PSAT1: variants seen among roughly 807,000 people sequenced by gnomAD.
PSAT1 encodes the protein phosphoserine aminotransferase 1.
Under a neutral mutation model 40.3 loss-of-function variants are expected in PSAT1, and 41 were observed. The ratio of observed to expected loss-of-function variants is 1.02; its 90% CI spans 0.79 to 1.32. The LOEUF is 1.32. Ranked by LOEUF, PSAT1 falls within the 40% of genes most tolerant of loss-of-function variation. The pLI is 0.00. For missense variants in PSAT1, 406 were observed against 455.8 expected, an observed-to-expected ratio of 0.89 and a Z score of 0.99; for synonymous variants, 147 against 170.5, an observed-to-expected ratio of 0.86 and a Z score of 1.07.
At chr9:78,302,769 G>A (rs1828126641) in intron 3 of PSAT1, among the ~76,000 whole-genome samples, 1 of 149,184 alleles carries the variant, frequency 6.7e-6, no homozygotes, top group Non-Finnish European at 1.5e-5. Flanking sequence ...AAATCAAGTG[G>A]TGGGCACCAC....
At chr9:78,308,188 G>A (rs1176093236) in intron 5 of PSAT1, among the ~76,000 whole-genome samples, 1 of 152,230 alleles carries the variant, frequency 6.6e-6, no homozygotes, top group Non-Finnish European at 1.5e-5. Flanking sequence ...GCTTGGGTTA[G>A]CCCCATCCAG....
At position 78,308,639 on chromosome 9, in the gene PSAT1, A is replaced by G. The variant is rs545642930; in HGVS notation, c.740+56A>G. ...GGGAGGGGTCTCACTATTTTTCATC[A>G]AAGCGGAGGTTACATTTTAAAATAA... On this transcript the variant is annotated intron_variant, in intron 6 of 8. Coordinates refer to ENST00000376588, the MANE Select transcript of PSAT1 (RefSeq NM_058179.4). The G allele has an allele frequency of 9.6e-5, 153 of 1,590,780 alleles. 1 individual carries two copies. The South Asian group carries it at 1.6e-3, about 17-fold the overall frequency.
At position 78,321,073 on chromosome 9, in the gene PSAT1, C is replaced by T. The variant is rs145445028; in HGVS notation, c.869+3269C>T. ...CTAAACCTGGGCCTCTCCCAGAAGG[C>T]AGCCTGCCAAACTAATGTGGCAGGC... On this transcript the variant is annotated intron_variant, in intron 7 of 8. Transcript: ENST00000376588. Among the ~76,000 whole-genome samples the T allele has an allele frequency of 7.9e-5, 12 of 152,340 alleles. No individual in the cohort carries two copies. The East Asian group carries it at 1.9e-3, about 25-fold the overall frequency.
At chr9:78,313,623 GC>G (rs1201834124) in intron 6 of PSAT1, among the ~76,000 whole-genome samples, 1 of 152,084 alleles carries the variant, frequency 6.6e-6, no homozygotes, top group East Asian at 1.9e-4. Context: ...CAGCTCAAAT[GC>G]CTATTTTTAT....
chr9:78,309,245 C>T (rs149931936), intron 6 of PSAT1, among the ~76,000 whole-genome samples: 14 of 152,366 alleles, frequency 9.2e-5, no homozygotes, highest in African/African-American at 3.4e-4. Context: ...ACAGCCAGTG[C>T]AGCTTTGGAG....
rs191122618 is a variant in PSAT1 at position 78,316,034 on chromosome 9, C to A, written c.741-1642C>A. 2.4e-3 allele frequency among the ~76,000 whole-genome samples: 368 copies of A among 152,312 alleles called. 1 individual carries two copies. The highest frequency in any genetic ancestry group is 3.7e-3 in the Non-Finnish European group (254 of 68,036). ...CAAGGGAGATGGTGTCTTCCCTGGG[C>A]GACCTCTCCTCCTGTGCCCTGAGCT... On this transcript the variant is annotated intron_variant, in intron 6 of 8. Coordinates refer to ENST00000376588, the MANE Select transcript of PSAT1 (RefSeq NM_058179.4).
chr9:78,298,255 G>C (rs544660075), intron 1 of PSAT1: 3 of 983,176 alleles, frequency 3.1e-6, no homozygotes, highest in South Asian at 9.5e-5. Flanking sequence ...GGCGGCTGCC[G>C]CCGCCGTTAG....
At chr9:78,298,309 G>A in intron 1 of PSAT1, 1 of 985,380 alleles carries the variant, frequency 1.0e-6, no homozygotes, top group Non-Finnish European at 1.2e-6. Flanking sequence ...ATATGTTGGA[G>A]CAGCATGAGG....
rs767630151 is a variant in PSAT1 at position 78,317,697 on chromosome 9, T to C, written c.762T>C (p.Val254=). The change falls in exon 7 of 9, where the codon GTT becomes GTC. Residue 254 remains valine (V), a synonymous_variant. Coordinates refer to ENST00000376588, the MANE Select transcript of PSAT1 (RefSeq NM_058179.4). ...PCFSIYVMGL[V]LEWIKNNGGA... ...TTAGCATCTACGTCATGGGCTTGGT[T>C]CTGGAGTGGATTAAAAACAATGGAG... The C allele has an allele frequency of 5.6e-6, 9 of 1,613,826 alleles. No homozygotes were observed. Among genetic ancestry groups the C allele is most frequent in the Non-Finnish European group, 7.6e-6 (9 of 1,179,860 alleles).
chr9:78,303,090 A>G (rs1186924252), intron 3 of PSAT1, among the ~76,000 whole-genome samples: 3 of 152,226 alleles, frequency 2.0e-5, no homozygotes, highest in African/African-American at 4.8e-5. Context: ...TCACAACTAA[A>G]CTGAAATTAA....
At position 78,306,341 on chromosome 9, in the gene PSAT1, T is replaced by G. The variant is rs144858494; in HGVS notation, c.425T>G (p.Leu142Arg). The G allele has an allele frequency of 2.5e-6, 4 of 1,612,456 alleles. No individual in the cohort carries two copies. Among genetic ancestry groups the G allele is most frequent in the Non-Finnish European group, 3.4e-6 (4 of 1,179,934 alleles). ...TKIPDPSTWN[L>R]NPDASYVYYC... Reference sequence around the variant, plus strand: ...ATTCCAGATCCAAGCACCTGGAACCTCAACCCAGATGCCTCCTACGTGTAT... The same window carrying G: ...ATTCCAGATCCAAGCACCTGGAACCGCAACCCAGATGCCTCCTACGTGTAT... The change falls in exon 5 of 9, where the codon CTC (leucine) becomes CGC (arginine). Residue 142 changes from leucine to arginine, a missense_variant. Coordinates refer to ENST00000376588, the MANE Select transcript of PSAT1 (RefSeq NM_058179.4).
At chr9:78,321,642 A>G (rs1262163334) in intron 7 of PSAT1, among the ~76,000 whole-genome samples, 8 of 151,998 alleles carry the variant, frequency 5.3e-5, no homozygotes, top group Admixed American at 5.2e-4. Flanking sequence ...TTGGCAGGGA[A>G]TTCTGGGACT....
intron 6 of PSAT1, among the ~76,000 whole-genome samples, chr9:78,315,382 C>T (rs1024776401): frequency 3.9e-5 from 6 of 152,142 alleles, no homozygotes; most frequent in African/African-American, 9.7e-5. Context: ...GGCTCTAACC[C>T]GAGGATTATT....
intron 6 of PSAT1, among the ~76,000 whole-genome samples, chr9:78,311,562 G>T (rs898704994): frequency 6.6e-6 from 1 of 151,982 alleles, no homozygotes. Flanking sequence ...GGCCGGGTGC[G>T]GTGGCTCACA....
intron 6 of PSAT1, among the ~76,000 whole-genome samples, chr9:78,309,595 T>C (rs1365590730): frequency 6.6e-6 from 1 of 152,238 alleles, no homozygotes; most frequent in Non-Finnish European, 1.5e-5. Context: ...ACTCCTGACC[T>C]CAGGTTATCC....
At chr9:78,326,031 T>C (rs1828492954) in intron 7 of PSAT1, among the ~76,000 whole-genome samples, 1 of 152,160 alleles carries the variant, frequency 6.6e-6, no homozygotes, top group African/African-American at 2.4e-5. Flanking sequence ...AGCCGTTGAA[T>C]GTTTATTTTC....
chr9:78,314,431 G>T (rs4877173), intron 6 of PSAT1, among the ~76,000 whole-genome samples: 29,222 of 88,312 alleles, frequency 0.33, 8,797 homozygotes, highest in Non-Finnish European at 0.48. Flanking sequence ...CTCTGCAGAG[G>T]GCTGGGTGGG....
In PSAT1 at chr9:78,297,152, C is replaced by T; in HGVS notation, c.-59C>T. 1 of 1,528,398 alleles carries T rather than the reference C, an allele frequency of 6.5e-7. No homozygotes were observed. Among genetic ancestry groups the T allele is most frequent in the Non-Finnish European group, 8.9e-7 (1 of 1,129,186 alleles). The allele number at this position is 1,528,398 out of a possible 1,614,324, so 94.7% of individuals were successfully genotyped here. A position where few individuals can be genotyped will look rare whatever the true frequency, so the allele number is the denominator to read the frequency against. On this transcript the variant is annotated 5_prime_UTR_variant, in exon 1 of 9. The change creates a new upstream start codon in the 5' untranslated region. Coordinates refer to ENST00000376588, the MANE Select transcript of PSAT1 (RefSeq NM_058179.4). ...AGACTCTCACCGCAGCGGCCAGGAA[C>T]GCCAGCCGTTCACGCGTTCGGTCCT...
chr9:78,320,333 CATCT>C (rs1446629609), intron 7 of PSAT1, among the ~76,000 whole-genome samples: 4 of 144,446 alleles, frequency 2.8e-5, no homozygotes, highest in Admixed American at 6.7e-5. Context: ...TCCATCCATC[CATCT>C]ATCCATCCAT....
Sources: allele counts gnomAD v4.1 joint callset (sites outside exome capture counted in the v4.1 genomes callset), GRCh38; gene constraint gnomAD v4.1.1; transcripts MANE v1.5; gene names NCBI Gene and HGNC (gene_info 2026-07-23, HGNC 2026-07-21).